The following TMEM82 variants were observed in gnomAD, a reference collection of about 807,000 sequenced individuals.
TMEM82 encodes the protein transmembrane protein 82.
A neutral mutation model predicts 29.2 loss-of-function variants in TMEM82; 30 were observed. The observed-to-expected ratio is 1.03, with a 90% CI of 0.77 to 1.39. TMEM82 has a LOEUF of 1.39. Ranked by LOEUF, TMEM82 falls within the 40% of genes most tolerant of loss-of-function variation. The pLI is 0.00. For synonymous variants in TMEM82, 221 were observed against 225.4 expected, an observed-to-expected ratio of 0.98 and a Z score of 0.18; for missense variants, 442 against 447.7, an observed-to-expected ratio of 0.99 and a Z score of 0.12.
chr1:15,744,208 T>G lies in TMEM82; in HGVS notation c.385T>G (p.Tyr129Asp). 2 of 1,591,496 alleles carry G rather than the reference T, an allele frequency of 1.3e-6. No individual in the cohort carries two copies. ...GCTGCAGCTCTACCTGCTGTGCCAG[T>G]ACTCGCTGGGCTGCGGGCTGACCTG... ...ERLQLYLLCQYSLGCGLTCGL... is the reference protein window; with the variant it reads ...ERLQLYLLCQDSLGCGLTCGL... The change falls in exon 4 of 6, where the codon TAC (tyrosine) becomes GAC (aspartate). Residue 129 changes from tyrosine (Y) to aspartate (D), a missense_variant. Physicochemically the swap from Tyr to Asp is radical, Grantham distance 160. Coordinates refer to ENST00000375782, the MANE Select transcript of TMEM82 (RefSeq NM_001013641.3). The surrounding 1 kb of genome is among the most constrained non-coding windows in gnomAD (Gnocchi z 5.2).
Position 15,747,749 on chromosome 1 carries a change from C to T in TMEM82, c.*117C>T. The T allele has an allele frequency of 1.1e-6, 1 of 887,452 alleles. No homozygotes were observed. Among genetic ancestry groups the T allele is most frequent in the Non-Finnish European group, 1.7e-6 (1 of 588,550 alleles). 55.0% of individuals were successfully genotyped at this position (887,452 alleles called of 1,614,324 possible). A position where few individuals can be genotyped will look rare whatever the true frequency, so the allele number is the denominator to read the frequency against. On this transcript the variant is annotated 3_prime_UTR_variant, in exon 6 of 6. Transcript: ENST00000375782. ...CAGAGCTGGCCTCCTGCCCAGAGCT[C>T]AGCACAGGCCCTGGGAGCCCCGAGA...
chr1:15,745,903 A>C (rs1283638881), intron 4 of TMEM82, among the ~76,000 whole-genome samples: 1 of 151,082 alleles, frequency 6.6e-6, no homozygotes, highest in African/African-American at 2.4e-5. Flanking sequence ...AAAAAAAAAA[A>C]AAAAAAAGAA....
chr1:15,743,455 C>T (rs74054850), intron 3 of TMEM82, among the ~76,000 whole-genome samples: 5,960 of 152,338 alleles, frequency 0.039, 253 homozygotes, highest in African/African-American at 0.1. Context: ...CCAGGCCCTG[C>T]GCCGAGTGCA....
Position 15,744,357 on chromosome 1 carries a change from C to T in TMEM82, c.534C>T (p.Tyr178=), listed in dbSNP as rs576044669. ...TCCACCGCCACGTCTGCCGCCTCTA[C>T]GAGCTGCACAGCAGCCAGCGCTACT... ...RRLHRHVCRL[Y]ELHSSQRYCG... is the part of the protein sequence containing the mutation. Residue 178 remains tyrosine, a synonymous_variant, in exon 4 of 6, where the codon TAC becomes TAT. Coordinates refer to ENST00000375782, the MANE Select transcript of TMEM82 (RefSeq NM_001013641.3). This position sits in a 1 kb window ranked among gnomAD's most constrained non-coding sequence, Gnocchi z 5.2. 19 of 1,550,522 alleles carry T rather than the reference C, an allele frequency of 1.2e-5. No homozygotes were observed. Among genetic ancestry groups the T allele is most frequent in the African/African-American group, 4.1e-5 (3 of 73,692 alleles).
At position 15,744,349 on chromosome 1, in the gene TMEM82, C is replaced by A. The variant is rs761097888; in HGVS notation, c.526C>A (p.Arg176Ser). 3 of 1,546,858 alleles carry A rather than the reference C, an allele frequency of 1.9e-6. 1 individual carries two copies. In the South Asian group the frequency reaches 3.5e-5, roughly 18 times the overall value. The change falls in exon 4 of 6, where the codon CGC (arginine) becomes AGC (serine). Residue 176 changes from arginine to serine, a missense_variant. Arg to Ser is a moderately radical substitution (Grantham distance 110). Coordinates refer to ENST00000375782, the MANE Select transcript of TMEM82 (RefSeq NM_001013641.3). This position sits in a 1 kb window ranked among gnomAD's most constrained non-coding sequence, Gnocchi z 5.2. Reference sequence around the variant, plus strand: ...CCGGCGCCTCCACCGCCACGTCTGCCGCCTCTACGAGCTGCACAGCAGCCA... The same window carrying A: ...CCGGCGCCTCCACCGCCACGTCTGCAGCCTCTACGAGCTGCACAGCAGCCA... ...GARRLHRHVCRLYELHSSQRY... is the reference protein window; with the variant it reads ...GARRLHRHVCSLYELHSSQRY...
At chr1:15,746,326 A>G (rs2148396164) in intron 4 of TMEM82, among the ~76,000 whole-genome samples, 1 of 151,760 alleles carries the variant, frequency 6.6e-6, no homozygotes, top group South Asian at 2.1e-4. Context: ...TCTACTAAAA[A>G]TACAAAAAAT....
chr1:15,742,813 T>C (rs1175624440), intron 1 of TMEM82, 22 bp from the exon 2 acceptor site: 1 of 1,608,718 alleles, frequency 6.2e-7, no homozygotes, highest in East Asian at 2.2e-5. Context: ...GCTGCCTCGC[T>C]GCCTCCCTCC....
intron 4 of TMEM82, among the ~76,000 whole-genome samples, chr1:15,745,537 G>GAGAA (rs1553163095): frequency 1.4e-5 from 2 of 145,308 alleles, no homozygotes; most frequent in Non-Finnish European, 1.5e-5. Context: ...GAGAGAAAGA[G>GAGAA]AGAGAGAAAG....
chr1:15,746,964 G>T lies in TMEM82; in HGVS notation c.855G>T (p.Trp285Cys). ...LFVLLLTVGR[W>C]LDLLGILVSL... ...TGCTGCTGCTGACTGTGGGTCGCTGGCTGGACCTGCTGGGCATCCTTGTCT... is the reference window on the plus strand; with the variant it reads ...TGCTGCTGCTGACTGTGGGTCGCTGTCTGGACCTGCTGGGCATCCTTGTCT... Residue 285 changes from tryptophan (W) to cysteine (C), a missense_variant, in exon 5 of 6, where the codon TGG (tryptophan) becomes TGT (cysteine). Trp to Cys is a radical substitution (Grantham distance 215, BLOSUM62 -2). Coordinates refer to ENST00000375782, the MANE Select transcript of TMEM82 (RefSeq NM_001013641.3). 6.2e-7 allele frequency: 1 copy of T among 1,611,694 alleles called. No homozygotes were observed. Among genetic ancestry groups the T allele is most frequent in the Non-Finnish European group, 8.5e-7 (1 of 1,179,992 alleles).
Position 15,744,892 on chromosome 1 carries a change from A to C in TMEM82, c.757+312A>C, listed in dbSNP as rs1303762840. Among the ~76,000 whole-genome samples the C allele has an allele frequency of 1.3e-5, 2 of 152,078 alleles. No individual in the cohort carries two copies. Among genetic ancestry groups the C allele is most frequent in the African/African-American group, 4.8e-5 (2 of 41,418 alleles). On this transcript the variant is annotated intron_variant, in intron 4 of 5. Transcript: ENST00000375782. This position sits in a 1 kb window ranked among gnomAD's most constrained non-coding sequence, Gnocchi z 5.2. The stretch of plus-strand genomic sequence containing the variant: ...GAGAGAGGGCATGGCCGTGCCAAAC[A>C]AGCCACAGGAGTCCAGTGTGGCTGT...
chr1:15,744,498 G>A lies in TMEM82; in HGVS notation c.675G>A (p.Gln225=), dbSNP rs775839008. The A allele has an allele frequency of 8.7e-6, 14 of 1,612,286 alleles. No homozygotes were observed. Among genetic ancestry groups the A allele is most frequent in the African/African-American group, 4.0e-5 (3 of 74,944 alleles). ...TGGCAGCTGTGGCCCTCATCAACCAGGACTTCCTGACCACCTCGGAGGCCA... is the reference window on the plus strand; with the variant it reads ...TGGCAGCTGTGGCCCTCATCAACCAAGACTTCCTGACCACCTCGGAGGCCA... ...GDLAAVALIN[Q]DFLTTSEAMR... The change falls in exon 4 of 6, where the codon CAG becomes CAA. Residue 225 remains glutamine (Q), a synonymous_variant. Coordinates refer to ENST00000375782, the MANE Select transcript of TMEM82 (RefSeq NM_001013641.3). This position sits in a 1 kb window ranked among gnomAD's most constrained non-coding sequence, Gnocchi z 5.2.
chr1:15,743,280 G>A, intron 3 of TMEM82, 86 bp downstream of exon 3: 1 of 1,408,860 alleles, frequency 7.1e-7, no homozygotes, highest in Non-Finnish European at 9.5e-7. Flanking sequence ...CAGGGCCCAG[G>A]TCCAGCATCC....
rs576044669 is a variant in TMEM82 at position 15,744,357 on chromosome 1, C to G, written c.534C>G (p.Tyr178Ter). ...TCCACCGCCACGTCTGCCGCCTCTA[C>G]GAGCTGCACAGCAGCCAGCGCTACT... ...RRLHRHVCRL[Y>*]ELHSSQRYCG... Residue 178 changes from tyrosine to a stop codon, truncating the protein, a stop_gained, in exon 4 of 6, where the codon TAC becomes TAG. Coordinates refer to ENST00000375782, the MANE Select transcript of TMEM82 (RefSeq NM_001013641.3). LOFTEE classifies it high-confidence loss of function. The surrounding 1 kb of genome is among the most constrained non-coding windows in gnomAD (Gnocchi z 5.2). 7.7e-6 allele frequency: 12 copies of G among 1,550,522 alleles called. No individual in the cohort carries two copies. The East Asian group carries it at 2.9e-4, about 37-fold the overall frequency.
At position 15,744,235 on chromosome 1, in the gene TMEM82, G is replaced by A; in HGVS notation, c.412G>A (p.Gly138Ser). Reference protein sequence around the residue: ...QYSLGCGLTCGLSFLQEGAPH... With the variant: ...QYSLGCGLTCSLSFLQEGAPH... The stretch of plus-strand genomic sequence containing the variant: ...CTCGCTGGGCTGCGGGCTGACCTGT[G>A]GCCTGAGCTTCCTGCAGGAGGGCGC... The change falls in exon 4 of 6, where the codon GGC becomes AGC. Residue 138 changes from glycine (G) to serine (S), a missense_variant. By Grantham distance (56) the Gly-to-Ser change is moderately conservative. Transcript: ENST00000375782. The surrounding 1 kb of genome is among the most constrained non-coding windows in gnomAD (Gnocchi z 5.2). 1 of 1,588,192 alleles carries A rather than the reference G, an allele frequency of 6.3e-7. No homozygotes were observed. The highest frequency in any genetic ancestry group is 8.5e-7 in the Non-Finnish European group (1 of 1,172,248).
chr1:15,742,810 C>T (rs748998457), intron 1 of TMEM82, 25 bp from the exon 2 acceptor site: 27 of 1,607,392 alleles, frequency 1.7e-5, no homozygotes, highest in Admixed American at 6.7e-5. Context: ...CACGCTGCCT[C>T]GCTGCCTCCC....
chr1:15,742,996 C>T, intron 2 of TMEM82, 24 bp from the exon 3 acceptor site: 2 of 1,600,416 alleles, frequency 1.2e-6, no homozygotes, highest in Non-Finnish European at 1.7e-6. Flanking sequence ...TGCACCCCTG[C>T]CCACACCCAT....
chr1:15,743,467 C>T (rs934746123), intron 3 of TMEM82, among the ~76,000 whole-genome samples: 5 of 152,352 alleles, frequency 3.3e-5, no homozygotes, highest in East Asian at 3.9e-4. Flanking sequence ...CCGAGTGCAC[C>T]GTGTGCATCA....
Position 15,744,730 on chromosome 1 carries a change from A to G in TMEM82, c.757+150A>G. The G allele has an allele frequency of 1.0e-6, 1 of 976,788 alleles. No individual in the cohort carries two copies. The highest frequency in any genetic ancestry group is 1.7e-5 in the African/African-American group (1 of 60,524). 60.5% of individuals were successfully genotyped at this position (976,788 alleles called of 1,614,324 possible). On this transcript the variant is annotated intron_variant, in intron 4 of 5. Coordinates refer to ENST00000375782, the MANE Select transcript of TMEM82 (RefSeq NM_001013641.3). The surrounding 1 kb of genome is among the most constrained non-coding windows in gnomAD (Gnocchi z 5.2). ...GCTGTGTGGCGGGGGCAGTGCAGAG[A>G]AGCAGCATGTAGTGGGCACCCTGAG... is the stretch of plus-strand genomic sequence containing the variant.
intron 4 of TMEM82, among the ~76,000 whole-genome samples, chr1:15,745,553 A>G (rs144214479): frequency 0.014 from 2,069 of 148,562 alleles, 26 homozygotes; most frequent in Non-Finnish European, 0.024. Context: ...GAAAGAGAGA[A>G]AGAGAGAAAG....
Sources: allele counts gnomAD v4.1 joint callset (sites outside exome capture counted in the v4.1 genomes callset), GRCh38; gene constraint gnomAD v4.1.1; non-coding constraint Gnocchi (gnomAD v3.1); transcripts MANE v1.5; gene names NCBI Gene and HGNC (gene_info 2026-07-23, HGNC 2026-07-21).